MAPK9: variants seen among roughly 807,000 people sequenced by gnomAD.
The protein encoded by MAPK9 is Jun kinase.
Under a neutral mutation model 57.1 loss-of-function variants are expected in MAPK9, and 30 were observed. The observed-to-expected ratio is 0.53, with a 90% CI of 0.39 to 0.71. The LOEUF is 0.71. MAPK9 is among the 30% of genes least tolerant of loss of function. The pLI is 0.00. For missense variants in MAPK9, 362 were observed against 521.0 expected (o/e 0.69, Z 2.97); for synonymous variants, 155 against 177.0 (o/e 0.88, Z 0.99).
chr5:180,259,033 C>CAA (rs35532910), intron 5 of MAPK9, among the ~76,000 whole-genome samples: 2 of 132,518 alleles, frequency 1.5e-5, no homozygotes, highest in Non-Finnish European at 3.3e-5. Flanking sequence ...GACTCTGTTT[C>CAA]AAAAAAAAAA....
rs548270225 is a variant in MAPK9 at position 180,270,663 on chromosome 5, C to T, written c.123-1254G>A. 2.6e-5 allele frequency among the ~76,000 whole-genome samples: 4 copies of T among 152,044 alleles called. No homozygotes were observed. The East Asian group carries it at 7.7e-4, about 29-fold the overall frequency. ...CCCAGGAGTTTGAGACCAGCCTGGG[C>T]AATACAGTGAAACCTTGTCTGTACA... On this transcript the variant is annotated intron_variant, in intron 2 of 11. Coordinates refer to ENST00000452135, the MANE Select transcript of MAPK9 (RefSeq NM_002752.5).
chr5:180,277,289 G>T (rs1490496105), intron 2 of MAPK9, among the ~76,000 whole-genome samples: 1 of 152,224 alleles, frequency 6.6e-6, no homozygotes, highest in Admixed American at 6.5e-5. Context: ...TGCCTCAAGA[G>T]GTAAGCAGGG....
intron 2 of MAPK9, among the ~76,000 whole-genome samples, chr5:180,274,599 C>G (rs984670637): frequency 6.6e-6 from 1 of 152,210 alleles, no homozygotes; most frequent in Non-Finnish European, 1.5e-5. Context: ...ACTCTGCCAA[C>G]AGGCTGAAGG....
chr5:180,278,827 A>C (rs1237395267), intron 2 of MAPK9, among the ~76,000 whole-genome samples: 1 of 152,012 alleles, frequency 6.6e-6, no homozygotes, highest in African/African-American at 2.4e-5. Context: ...CACACATCAA[A>C]TTATCTGTCA....
chr5:180,279,428 G>C (rs1762117696), intron 2 of MAPK9, among the ~76,000 whole-genome samples: 3 of 152,144 alleles, frequency 2.0e-5, no homozygotes, highest in Non-Finnish European at 4.4e-5. Flanking sequence ...TTAGCTCCCA[G>C]GGCCTTCAGC....
At position 180,234,699 on chromosome 5, in the gene MAPK9, A is replaced by T. The variant is rs1757063719; in HGVS notation, c.*1685T>A. 6.6e-6 allele frequency: 1 copy of T among 152,222 alleles called. No homozygotes were observed. 9.4% of individuals were successfully genotyped at this position (152,222 alleles called of 1,614,324 possible). On this transcript the variant is annotated 3_prime_UTR_variant, in exon 12 of 12. Transcript: ENST00000452135. ...CCATAAAATAGGTGTTTCCGCCTCAATCCAAGTTATTATTACCATTTTGTA... is the reference window on the plus strand; with the variant it reads ...CCATAAAATAGGTGTTTCCGCCTCATTCCAAGTTATTATTACCATTTTGTA...
At chr5:180,283,650 A>G (rs905100505) in intron 1 of MAPK9, among the ~76,000 whole-genome samples, 3 of 152,242 alleles carry the variant, frequency 2.0e-5, no homozygotes, top group Non-Finnish European at 4.4e-5. Context: ...CAAGATTTAA[A>G]ATAGTCCGGG....
At chr5:180,243,243 C>T (rs1410050224) in intron 7 of MAPK9, among the ~76,000 whole-genome samples, 1 of 152,116 alleles carries the variant, frequency 6.6e-6, no homozygotes, top group African/African-American at 2.4e-5. Flanking sequence ...TAGACTGAGC[C>T]CAGCGACAGC....
intron 1 of MAPK9, among the ~76,000 whole-genome samples, chr5:180,281,385 T>C (rs1464569872): frequency 6.6e-6 from 1 of 152,262 alleles, no homozygotes; most frequent in Non-Finnish European, 1.5e-5. Flanking sequence ...AGGCACAGGC[T>C]GAGACTGCTG....
rs978612694 is a variant in MAPK9 at position 180,236,211 on chromosome 5, C to T, written c.*173G>A. 6.6e-6 allele frequency: 4 copies of T among 608,280 alleles called. No individual in the cohort carries two copies. Among genetic ancestry groups the T allele is most frequent in the Non-Finnish European group, 9.9e-6 (4 of 404,034 alleles). 37.7% of individuals were successfully genotyped at this position (608,280 alleles called of 1,614,324 possible). On this transcript the variant is annotated 3_prime_UTR_variant, in exon 12 of 12. Transcript: ENST00000452135. ...ATTTTTTTCTTCAGACATATTCTGC[C>T]TCATTTTATCATCTAAGCAGGCAAT... is the stretch of plus-strand genomic sequence containing the variant.
rs547399983 is a variant in MAPK9, at chr5:180,255,508, C to T, written c.450+6176G>A. On this transcript the variant is annotated intron_variant, in intron 5 of 11. Transcript: ENST00000452135. The stretch of plus-strand genomic sequence containing the variant: ...CATGTGCTGAGAGAAAATTCAGATG[C>T]CTGATGGAAGAGTTAGGGTTGAATT... Among the ~76,000 whole-genome samples, 3 of 152,006 alleles carry T rather than the reference C, an allele frequency of 2.0e-5. No homozygotes were observed. The South Asian group carries it at 6.3e-4, about 32-fold the overall frequency.
Position 180,261,671 on chromosome 5 carries a change from C to T in MAPK9, c.450+13G>A, listed in dbSNP as rs752748179. ...ATTGTTTTTAAAAATAAAATTAATA[C>T]ATCACCACTTACTCTATGAATTATA... On this transcript the variant is annotated intron_variant, in intron 5 of 11. Coordinates refer to ENST00000452135, the MANE Select transcript of MAPK9 (RefSeq NM_002752.5). The T allele has an allele frequency of 1.9e-6, 3 of 1,584,508 alleles. No individual in the cohort carries two copies. The highest frequency in any genetic ancestry group is 1.9e-5 in the Admixed American group (1 of 53,642).
At chr5:180,241,959 C>A (rs1253332074) in intron 8 of MAPK9, among the ~76,000 whole-genome samples, 1 of 152,206 alleles carries the variant, frequency 6.6e-6, no homozygotes, top group Non-Finnish European at 1.5e-5. Context: ...TCTGGCTGGC[C>A]TAGCTGTATA....
intron 1 of MAPK9, among the ~76,000 whole-genome samples, chr5:180,287,980 C>A (rs1373218661): frequency 1.3e-5 from 2 of 152,084 alleles, no homozygotes; most frequent in African/African-American, 4.8e-5. Flanking sequence ...TGGTTAAGAT[C>A]GGGACTTTGA....
intron 1 of MAPK9, among the ~76,000 whole-genome samples, chr5:180,284,204 T>A (rs991995733): frequency 2.0e-5 from 3 of 152,180 alleles, no homozygotes; most frequent in African/African-American, 7.2e-5. Flanking sequence ...AGTACAAGAA[T>A]TCTTCATGAA....
At chr5:180,280,677 C>A (rs1762247127) in intron 1 of MAPK9, 69 bp from the exon 2 acceptor site, 1 of 1,258,844 alleles carries the variant, frequency 7.9e-7, no homozygotes, top group Non-Finnish European at 1.1e-6. Flanking sequence ...TAAGAGAGTT[C>A]TGAACTTATT....
chr5:180,256,584 G>A (rs972456765), intron 5 of MAPK9, among the ~76,000 whole-genome samples: 2 of 152,186 alleles, frequency 1.3e-5, no homozygotes, highest in African/African-American at 4.8e-5. Flanking sequence ...AGAGGACACA[G>A]CAAGATGCCA....
At chr5:180,243,114 C>A (rs1024182750) in intron 7 of MAPK9, among the ~76,000 whole-genome samples, 1 of 152,192 alleles carries the variant, frequency 6.6e-6, no homozygotes, top group Non-Finnish European at 1.5e-5. Context: ...AATCAGTTTT[C>A]ATACTAATGC....
chr5:180,268,352 C>G (rs3111515), intron 3 of MAPK9, among the ~76,000 whole-genome samples: 99,355 of 152,150 alleles, frequency 0.65, 33,202 homozygotes, highest in East Asian at 0.78. Context: ...AAGGTAAAAA[C>G]CTACTTATAG....
Sources: gnomAD v4.1 joint callset for allele counts (sites outside exome capture counted in the v4.1 genomes callset) on GRCh38, gnomAD v4.1.1 for gene constraint, MANE v1.5 for transcripts, NCBI Gene and HGNC (gene_info 2026-07-23, HGNC 2026-07-21) for gene names.